Variants in BMP6 observed in about 807,000 individuals in gnomAD.
BMP6 encodes the protein VG-1-R.
BMP6 carries 17 observed loss-of-function variants against 54.1 expected under a neutral mutation model. The ratio of observed to expected loss-of-function variants is 0.31; its 90% CI spans 0.22 to 0.47. BMP6 has a LOEUF of 0.47. BMP6 is among the 20% of genes least tolerant of loss of function. The pLI, the probability that BMP6 is intolerant of heterozygous loss-of-function variation, is 1.00. For missense variants in BMP6, 720 were observed against 690.4 expected, an observed-to-expected ratio of 1.04 and a Z score of -0.48; for synonymous variants, 328 against 291.2, an observed-to-expected ratio of 1.13 and a Z score of -1.28.
At chr6:7,749,376 CTG>C (rs752318443) in intron 1 of BMP6, among the ~76,000 whole-genome samples, 15 of 152,196 alleles carry the variant, frequency 9.9e-5, no homozygotes, top group Admixed American at 2.0e-4. Flanking sequence ...CCTATATTAA[CTG>C]TATCTTATTT....
intron 2 of BMP6, among the ~76,000 whole-genome samples, chr6:7,856,133 A>AT (rs1759228739): frequency 6.6e-6 from 1 of 150,934 alleles, no homozygotes; most frequent in South Asian, 2.1e-4. Context: ...AAAAAAAAAA[A>AT]AAAAAAAAAA....
chr6:7,727,565 C>A lies in BMP6; in HGVS notation c.610C>A (p.Gln204Lys). The A allele has an allele frequency of 6.3e-7, 1 of 1,587,516 alleles. No individual in the cohort carries two copies. Among genetic ancestry groups the A allele is most frequent in the South Asian group, 1.1e-5 (1 of 89,306 alleles). The change falls in exon 1 of 7, where the codon CAG becomes AAG. Residue 204 changes from glutamine to lysine, a missense_variant. Gln to Lys is a moderately conservative substitution (Grantham distance 53). Around this residue, in one of 3 missense-constraint regions of BMP6, gnomAD observed 650 missense variants for 556.3 expected, o/e 1.17. Coordinates refer to ENST00000283147, the MANE Select transcript of BMP6 (RefSeq NM_001718.6). ...SGGASPLTSA[Q>K]DSAFLNDADM... ...CGGCGCGTCCCCACTGACCAGCGCG[C>A]AGGACAGCGCCTTCCTCAACGACGC... is the stretch of plus-strand genomic sequence containing the variant.
intron 1 of BMP6, among the ~76,000 whole-genome samples, chr6:7,834,210 A>AAAAG (rs1758837148): frequency 6.6e-6 from 1 of 150,904 alleles, no homozygotes; most frequent in African/African-American, 2.4e-5. Flanking sequence ...TTTTTTAGGA[A>AAAAG]AAAAAAGTAA....
intron 4 of BMP6, among the ~76,000 whole-genome samples, chr6:7,865,575 A>G (rs559822491): frequency 9.8e-5 from 15 of 152,304 alleles, no homozygotes; most frequent in African/African-American, 2.9e-4. Flanking sequence ...AAAGATTTCC[A>G]GAGAGATGGC....
intron 1 of BMP6, among the ~76,000 whole-genome samples, chr6:7,764,832 G>A (rs1757661977): frequency 6.6e-6 from 1 of 152,174 alleles, no homozygotes; most frequent in Non-Finnish European, 1.5e-5. Flanking sequence ...AGTAGCTGAT[G>A]CAGGACGAGG....
At chr6:7,801,556 C>G (rs1190708675) in intron 1 of BMP6, among the ~76,000 whole-genome samples, 2 of 152,234 alleles carry the variant, frequency 1.3e-5, no homozygotes, top group East Asian at 3.8e-4. Flanking sequence ...ACAGGCTTGG[C>G]ATCACCTTGT....
In BMP6 at chr6:7,727,201, G is replaced by C; in HGVS notation, c.246G>C (p.Glu82Asp). Residue 82 changes from glutamate (E) to aspartate (D), a missense_variant, in exon 1 of 7, where the codon GAG becomes GAC. Transcript: ENST00000283147. ...AGGAGAAGCGGGAGATGCAGAAGGA[G>C]ATCTTGTCGGTGCTGGGGCTCCCGC... ...KTQEKREMQK[E>D]ILSVLGLPHR... 3.7e-6 allele frequency: 6 copies of C among 1,604,806 alleles called. No individual in the cohort carries two copies. The highest frequency in any genetic ancestry group is 2.2e-5 in the East Asian group (1 of 44,476).
intron 1 of BMP6, among the ~76,000 whole-genome samples, chr6:7,770,061 C>T (rs1014863996): frequency 1.3e-5 from 2 of 152,082 alleles, no homozygotes; most frequent in African/African-American, 4.8e-5. Flanking sequence ...TGCACCTCCC[C>T]TCGCCCCCTT....
chr6:7,831,051 A>G (rs1001647965), intron 1 of BMP6, among the ~76,000 whole-genome samples: 5 of 152,246 alleles, frequency 3.3e-5, no homozygotes, highest in African/African-American at 1.2e-4. Flanking sequence ...AAAGAGTCCA[A>G]ATGTCCATCG....
At chr6:7,769,553 T>G (rs1230061651) in intron 1 of BMP6, among the ~76,000 whole-genome samples, 2 of 152,216 alleles carry the variant, frequency 1.3e-5, no homozygotes, top group African/African-American at 2.4e-5. Context: ...TTTCAGCATT[T>G]TCTGGCCTTT....
chr6:7,810,531 A>G (rs1385232812), intron 1 of BMP6, among the ~76,000 whole-genome samples: 1 of 152,184 alleles, frequency 6.6e-6, no homozygotes, highest in East Asian at 1.9e-4. Context: ...GGTTCCAGAC[A>G]TGTACCTGTA....
At chr6:7,847,301 T>G (rs937688903) in intron 2 of BMP6, among the ~76,000 whole-genome samples, 1 of 152,188 alleles carries the variant, frequency 6.6e-6, no homozygotes, top group Non-Finnish European at 1.5e-5. Context: ...CTGGGAGAAC[T>G]GGGAGAGTTT....
At chr6:7,757,752 G>A (rs1757546320) in intron 1 of BMP6, among the ~76,000 whole-genome samples, 1 of 152,132 alleles carries the variant, frequency 6.6e-6, no homozygotes, top group Admixed American at 6.5e-5. Flanking sequence ...CACCCTACCT[G>A]GTAATCTGTG....
At position 7,727,482 on chromosome 6, in the gene BMP6, C is replaced by G; in HGVS notation, c.527C>G (p.Pro176Arg). The G allele has an allele frequency of 6.3e-7, 1 of 1,593,416 alleles. No individual in the cohort carries two copies. Among genetic ancestry groups the G allele is most frequent in the Non-Finnish European group, 8.5e-7 (1 of 1,174,992 alleles). ...ASSSQRRQPPPGAAHPLNRKS... is the reference protein window; with the variant it reads ...ASSSQRRQPPRGAAHPLNRKS... Reference sequence around the variant, plus strand: ...TCGTCCCAGCGTCGGCAGCCGCCCCCGGGCGCCGCGCACCCGCTCAACCGC... The same window carrying G: ...TCGTCCCAGCGTCGGCAGCCGCCCCGGGGCGCCGCGCACCCGCTCAACCGC... Residue 176 changes from proline to arginine, a missense_variant, in exon 1 of 7, where the codon CCG (proline) becomes CGG (arginine). Coordinates refer to ENST00000283147, the MANE Select transcript of BMP6 (RefSeq NM_001718.6).
chr6:7,728,914 A>T (rs1434261776), intron 1 of BMP6, among the ~76,000 whole-genome samples: 1 of 152,168 alleles, frequency 6.6e-6, no homozygotes, highest in Non-Finnish European at 1.5e-5. Flanking sequence ...CCTATCTATG[A>T]TTCCCAACTC....
intron 1 of BMP6, among the ~76,000 whole-genome samples, chr6:7,753,277 G>A (rs1022674882): frequency 1.3e-5 from 2 of 152,152 alleles, no homozygotes; most frequent in Non-Finnish European, 1.5e-5. Context: ...CTCCAGAGAC[G>A]AGAGAGTGCA....
intron 6 of BMP6, 28 bp downstream of exon 6, chr6:7,880,129 A>G: frequency 1.2e-6 from 2 of 1,614,036 alleles, no homozygotes; most frequent in Non-Finnish European, 1.7e-6. Flanking sequence ...TTGTTTTGTA[A>G]GTGGGAGTAA....
intron 4 of BMP6, among the ~76,000 whole-genome samples, chr6:7,870,769 A>C (rs1759511573): frequency 6.6e-6 from 1 of 152,206 alleles, no homozygotes; most frequent in Non-Finnish European, 1.5e-5. Flanking sequence ...CTGGGACTAC[A>C]GGCATGTGCC....
intron 1 of BMP6, among the ~76,000 whole-genome samples, chr6:7,805,311 T>A (rs1006239041): frequency 1.3e-5 from 2 of 152,224 alleles, no homozygotes; most frequent in African/African-American, 4.8e-5. Flanking sequence ...ATAAATGTTA[T>A]CTTTTGGATT....
Sources: gnomAD v4.1 joint callset for allele counts (sites outside exome capture counted in the v4.1 genomes callset) on GRCh38, gnomAD v4.1.1 for gene constraint, gnomAD v4.1.1 regional missense constraint, MANE v1.5 for transcripts, NCBI Gene and HGNC (gene_info 2026-07-23, HGNC 2026-07-21) for gene names.